Variants in ACP3 observed in about 807,000 individuals in gnomAD.
ACP3 encodes acid phosphatase 3.
A neutral mutation model predicts 45.6 loss-of-function variants in ACP3; 38 were observed. That is an observed-to-expected ratio of 0.83 (90% confidence interval 0.64 to 1.09). The LOEUF is 1.09. Ranked by LOEUF, ACP3 falls within the 50% of genes least tolerant of loss-of-function variation. The probability of loss-of-function intolerance (pLI) is 0.00; values close to 1 mark genes in which losing one functional copy is unlikely to be tolerated. For synonymous variants in ACP3, 162 were observed against 164.7 expected, an observed-to-expected ratio of 0.98 and a Z score of 0.13; for missense variants, 466 against 463.2, an observed-to-expected ratio of 1.01 and a Z score of -0.05.
intron 1 of ACP3, among the ~76,000 whole-genome samples, chr3:132,318,558 A>G (rs1937149707): frequency 6.6e-6 from 1 of 151,810 alleles, no homozygotes; most frequent in Non-Finnish European, 1.5e-5. Context: ...AGAAAATATG[A>G]TACCCATGTG....
At chr3:132,339,978 C>T (rs747813945) in intron 5 of ACP3, among the ~76,000 whole-genome samples, 1 of 152,096 alleles carries the variant, frequency 6.6e-6, no homozygotes, top group Non-Finnish European at 1.5e-5. Flanking sequence ...ACTTTGGAGA[C>T]TCCAAGGATT....
At chr3:132,336,208 C>T (rs1377914978) in intron 4 of ACP3, among the ~76,000 whole-genome samples, 1 of 152,012 alleles carries the variant, frequency 6.6e-6, no homozygotes, top group Non-Finnish European at 1.5e-5. Flanking sequence ...TGCAATGAGC[C>T]GAGATCGCGC....
At position 132,357,266 on chromosome 3, in the gene ACP3, G is replaced by A. The variant is rs189681210; in HGVS notation, c.*388G>A. On this transcript the variant is annotated 3_prime_UTR_variant, in exon 10 of 10. Transcript: ENST00000336375. The stretch of plus-strand genomic sequence containing the variant: ...AGATAAGGCTGTTCTTTAAATGTCT[G>A]AAATGGAACAGATTTCAAAAAAAAA... 3,547 of 987,626 alleles carry A rather than the reference G, an allele frequency of 3.6e-3. 6 individuals are homozygous for A. The highest frequency in any genetic ancestry group is 5.9e-3 in the South Asian group (125 of 21,348). The allele number at this position is 987,626 out of a possible 1,614,324, so 61.2% of individuals were successfully genotyped here. A position where few individuals can be genotyped will look rare whatever the true frequency, so the allele number is the denominator to read the frequency against.
intron 10 of ACP3, among the ~76,000 whole-genome samples, chr3:132,366,511 A>G (rs180935529): frequency 1.5e-4 from 23 of 152,224 alleles, no homozygotes; most frequent in Middle Eastern, 3.4e-3. Context: ...GGAGTTAAAG[A>G]AGACTCCAAG....
Position 132,357,096 on chromosome 3 carries a change from A to G in ACP3, c.*218A>G. ...TTAGCTAAGTTTTGTTTTGTTTTTC[A>G]GCGTTAATGTAAAGGGGCAGCAGTG... On this transcript the variant is annotated 3_prime_UTR_variant, in exon 10 of 10. Coordinates refer to ENST00000336375, the MANE Select transcript of ACP3 (RefSeq NM_001099.5). 3.9e-6 allele frequency: 5 copies of G among 1,292,754 alleles called. No homozygotes were observed. Among genetic ancestry groups the G allele is most frequent in the Non-Finnish European group, 4.9e-6 (5 of 1,018,078 alleles). 80.1% of individuals were successfully genotyped at this position (1,292,754 alleles called of 1,614,324 possible).
intron 6 of ACP3, among the ~76,000 whole-genome samples, chr3:132,343,994 C>A (rs11706447): frequency 3.3e-5 from 5 of 151,730 alleles, no homozygotes; most frequent in Non-Finnish European, 7.4e-5. Flanking sequence ...AAATTAGCCA[C>A]GTGTGGCCAG....
chr3:132,329,182 T>C (rs1289711119), intron 2 of ACP3, among the ~76,000 whole-genome samples: 2 of 152,202 alleles, frequency 1.3e-5, no homozygotes, highest in African/African-American at 4.8e-5. Flanking sequence ...ATTGCTTCTG[T>C]CCTGATCTGT....
chr3:132,331,691 G>T lies in ACP3; in HGVS notation c.261G>T (p.Lys87Asn). ...QHYELGEYIR[K>N]RYRKFLNESY... ...ATGAACTTGGAGAGTATATAAGAAA[G>T]AGATATAGAAAATTCTTGAATGAGT... The change falls in exon 3 of 10, where the codon AAG becomes AAT. Residue 87 changes from lysine to asparagine, a missense_variant. Lys to Asn is a moderately conservative substitution (Grantham distance 94, BLOSUM62 0). Coordinates refer to ENST00000336375, the MANE Select transcript of ACP3 (RefSeq NM_001099.5). 1 of 1,607,902 alleles carries T rather than the reference G, an allele frequency of 6.2e-7. No individual in the cohort carries two copies. Among genetic ancestry groups the T allele is most frequent in the Non-Finnish European group, 8.5e-7 (1 of 1,178,648 alleles).
At chr3:132,363,814 G>A (rs1938086275), downstream of ACP3, among the ~76,000 whole-genome samples, 1 of 152,138 alleles carries the variant, frequency 6.6e-6, no homozygotes, top group Non-Finnish European at 1.5e-5. Flanking sequence ...GCAGGCACCT[G>A]TAGTCCCAGC....
intron 8 of ACP3, among the ~76,000 whole-genome samples, chr3:132,351,223 T>C (rs986451178): frequency 8.5e-5 from 13 of 152,100 alleles, no homozygotes; most frequent in African/African-American, 2.9e-4. Flanking sequence ...CAACTCAAAG[T>C]TGGAGCTACA....
chr3:132,359,250 G>T (rs145455021), downstream of ACP3, among the ~76,000 whole-genome samples: 9 of 152,122 alleles, frequency 5.9e-5, no homozygotes, highest in Admixed American at 1.3e-4. Context: ...AGGTGGCTCA[G>T]GCCTGTAATC....
chr3:132,328,162 C>A, intron 1 of ACP3, 105 bp from the exon 2 acceptor site: 1 of 790,188 alleles, frequency 1.3e-6, no homozygotes, highest in Non-Finnish European at 2.0e-6. Context: ...CAATGGGAAG[C>A]CAAAGTTAAA....
Position 132,349,682 on chromosome 3 carries a change from T to G in ACP3, c.782-238T>G, listed in dbSNP as rs547479278. Among the ~76,000 whole-genome samples the G allele has an allele frequency of 5.3e-4, 80 of 152,200 alleles. 1 individual carries two copies. In the Middle Eastern group the frequency reaches 0.014, roughly 26 times the overall value. ...GGCTGTGTGAGTCACTTAATATCTT[T>G]GGACTTAAGATTCCTTACCTAAAAA... On this transcript the variant is annotated intron_variant, in intron 7 of 9. Transcript: ENST00000336375.
chr3:132,330,104 G>A (rs1453742750), intron 2 of ACP3, among the ~76,000 whole-genome samples: 1 of 151,882 alleles, frequency 6.6e-6, no homozygotes, highest in Non-Finnish European at 1.5e-5. Context: ...ATTTTTAGTA[G>A]AGATGGGGTT....
intron 1 of ACP3, among the ~76,000 whole-genome samples, chr3:132,325,272 T>G (rs2107794245): frequency 6.6e-6 from 1 of 152,310 alleles, no homozygotes; most frequent in Non-Finnish European, 1.5e-5. Context: ...TTATTAAGTG[T>G]TTCTCCAGGA....
chr3:132,346,052 A>T (rs1205035297), intron 7 of ACP3, among the ~76,000 whole-genome samples: 1 of 152,242 alleles, frequency 6.6e-6, no homozygotes, highest in Non-Finnish European at 1.5e-5. Flanking sequence ...ATACAATCAC[A>T]TCATGATTCC....
chr3:132,356,791 G>A lies in ACP3; in HGVS notation c.1074G>A (p.Glu358=), dbSNP rs1937912455. 1.9e-6 allele frequency: 3 copies of A among 1,614,070 alleles called. No homozygotes were observed. The highest frequency in any genetic ancestry group is 1.6e-4 in the Middle Eastern group (1 of 6,084). The change falls in exon 10 of 10, where the codon GAG becomes GAA. Residue 358 remains glutamate, a synonymous_variant. Coordinates refer to ENST00000336375, the MANE Select transcript of ACP3 (RefSeq NM_001099.5). The part of the protein sequence containing the change: ...SPSCPLERFA[E]LVGPVIPQDW... ...GCTGTCCTCTGGAGAGGTTTGCTGA[G>A]CTGGTTGGCCCTGTGATCCCTCAAG... is the stretch of plus-strand genomic sequence containing the variant.
chr3:132,360,804 C>G (rs1267686623), downstream of ACP3, among the ~76,000 whole-genome samples: 1 of 152,156 alleles, frequency 6.6e-6, no homozygotes, highest in African/African-American at 2.4e-5. Flanking sequence ...ATACACATGC[C>G]CAAGATTCAA....
At chr3:132,341,974 A>ATTTT (rs1937557505) in intron 5 of ACP3, among the ~76,000 whole-genome samples, 1 of 152,208 alleles carries the variant, frequency 6.6e-6, no homozygotes, top group Non-Finnish European at 1.5e-5. Context: ...ACCTAGCGAA[A>ATTTT]GATTTGCATT....
Sources: allele counts gnomAD v4.1 joint callset (sites outside exome capture counted in the v4.1 genomes callset), GRCh38; gene constraint gnomAD v4.1.1; transcripts MANE v1.5; gene names NCBI Gene and HGNC (gene_info 2026-07-23, HGNC 2026-07-21).